The following CCDC63 variants were observed in gnomAD, a reference collection of about 807,000 sequenced individuals.
The protein encoded by CCDC63 is coiled-coil domain containing 63.
Under a neutral mutation model 63.6 loss-of-function variants are expected in CCDC63, and 54 were observed. That is an observed-to-expected ratio of 0.85 (90% CI 0.68 to 1.07). The LOEUF (loss-of-function observed/expected upper bound fraction) is 1.07. Among genes scored for constraint, CCDC63 ranks in the 50% least tolerant of loss-of-function variants. CCDC63 has a pLI of 0.00. For synonymous variants in CCDC63, 253 were observed against 266.1 expected (o/e 0.95, Z 0.48); for missense variants, 637 against 689.6 (o/e 0.92, Z 0.86).
chr12:110,884,097 C>T lies in CCDC63; in HGVS notation c.921C>T (p.His307=), dbSNP rs778259928. The change falls in exon 8 of 12, where the codon CAC becomes CAT. Residue 307 remains histidine, a synonymous_variant. Coordinates refer to ENST00000308208, the MANE Select transcript of CCDC63 (RefSeq NM_152591.3). ...GTTTTGAGAGCTATGAGGTGGCCCA[C>T]CTCCGGCTGCTGAAGCTGGCTGAGA... ...GESFESYEVA[H]LRLLKLAESG... is the part of the protein sequence containing the mutation. 9 of 1,614,018 alleles carry T rather than the reference C, an allele frequency of 5.6e-6. No homozygotes were observed. The Admixed American group carries it at 8.3e-5, about 15-fold the overall frequency.
At chr12:110,880,163 A>C in intron 6 of CCDC63, 76 bp downstream of exon 6, 1 of 1,278,488 alleles carries the variant, frequency 7.8e-7, no homozygotes, top group Non-Finnish European at 1.1e-6. Context: ...ACTCTGGGCC[A>C]CCACTGTCCC....
Position 110,853,476 on chromosome 12 carries a change from G to A in CCDC63, c.81G>A (p.Ala27=), listed in dbSNP as rs765947594. 1.1e-5 allele frequency: 18 copies of A among 1,614,038 alleles called. No individual in the cohort carries two copies. Among genetic ancestry groups the A allele is most frequent in the South Asian group, 2.2e-5 (2 of 91,084 alleles). The change falls in exon 3 of 12, where the codon GCG becomes GCA. Residue 27 remains alanine, a synonymous_variant. Transcript: ENST00000308208. ...CGGAGAAGGCCAAAGAGCAGCAGGC[G>A]GAGGCAGAGCTCCGGAAGCTAAGGC... The part of the protein sequence containing the change: ...EPSEKAKEQQ[A]EAELRKLRQQ...
intron 8 of CCDC63, among the ~76,000 whole-genome samples, chr12:110,892,671 C>A (rs1424178142): frequency 3.3e-5 from 5 of 152,134 alleles, no homozygotes; most frequent in African/African-American, 9.6e-5. Flanking sequence ...ATACAAAAAG[C>A]TGGGCTTGGT....
chr12:110,846,469 A>C (rs73421306), upstream of CCDC63, among the ~76,000 whole-genome samples: 8,990 of 152,236 alleles, frequency 0.059, 447 homozygotes, highest in African/African-American at 0.13. Flanking sequence ...TGTTCTGAAG[A>C]AAATTCTCCT....
At chr12:110,879,626 A>G (rs1022583649) in intron 5 of CCDC63, among the ~76,000 whole-genome samples, 13 of 151,694 alleles carry the variant, frequency 8.6e-5, no homozygotes, top group African/African-American at 3.1e-4. Context: ...CTTGTTCCCC[A>G]CTCCTCTGTT....
At chr12:110,887,632 A>AT (rs1422348132) in intron 8 of CCDC63, among the ~76,000 whole-genome samples, 109 of 151,952 alleles carry the variant, frequency 7.2e-4, no homozygotes, top group African/African-American at 1.7e-3. Context: ...GGTTAAAAAA[A>AT]TTTTTTTTTA....
At chr12:110,893,207 C>T in intron 9 of CCDC63, 57 bp downstream of exon 9, 1 of 1,402,436 alleles carries the variant, frequency 7.1e-7, no homozygotes, top group Non-Finnish European at 1.0e-6. Flanking sequence ...GTCTCTGTGT[C>T]TGACGGGAGC....
At chr12:110,897,594 A>G (rs2071430046) in intron 9 of CCDC63, among the ~76,000 whole-genome samples, 1 of 151,860 alleles carries the variant, frequency 6.6e-6, no homozygotes, top group South Asian at 2.1e-4. Context: ...CAAGACCCCA[A>G]CTGTGCTTTT....
chr12:110,905,916 T>A (rs5028792), intron 11 of CCDC63, among the ~76,000 whole-genome samples: 12 of 7,398 alleles, frequency 1.6e-3, no homozygotes, highest in Admixed American at 3.1e-3. Flanking sequence ...TATATTATAT[T>A]ATATATAATA....
intron 7 of CCDC63, 97 bp from the exon 8 acceptor site, chr12:110,883,933 C>A (rs1222848765): frequency 4.1e-6 from 4 of 971,172 alleles, no homozygotes; most frequent in Admixed American, 3.6e-5. Context: ...AGTCACCATG[C>A]CTGGCCACAA....
intron 9 of CCDC63, 112 bp from the exon 10 acceptor site, chr12:110,898,820 TC>T: frequency 1.6e-6 from 1 of 606,418 alleles, no homozygotes; most frequent in South Asian, 3.9e-5. Flanking sequence ...TGATCTCGTG[TC>T]CCCTCAGAGG....
chr12:110,853,148 A>G (rs2070727635), intron 2 of CCDC63, among the ~76,000 whole-genome samples, 185 bp downstream of exon 2: 1 of 152,174 alleles, frequency 6.6e-6, no homozygotes, highest in Middle Eastern at 3.2e-3. Flanking sequence ...TGGCACAGTC[A>G]GAGTTTGAAC....
At chr12:110,869,216 C>G (rs2071030647) in intron 4 of CCDC63, among the ~76,000 whole-genome samples, 1 of 152,212 alleles carries the variant, frequency 6.6e-6, no homozygotes, top group Admixed American at 6.5e-5. Context: ...AGCACTTAAG[C>G]CTTCCTCATC....
rs1566123178 is a variant in CCDC63, at chr12:110,868,735, GA to G, written c.370-5106del. Among the ~76,000 whole-genome samples the G allele has an allele frequency of 1.7e-3, 198 of 116,004 alleles. 4 individuals carry two copies. Among genetic ancestry groups the G allele is most frequent in the East Asian group, 5.8e-3 (18 of 3,080 alleles). The allele number at this position is 116,004 out of a possible 152,430, so 76.1% of individuals were successfully genotyped here. A position where few individuals can be genotyped will look rare whatever the true frequency, so the allele number is the denominator to read the frequency against. ...GGGGAGAGGGAGAGGGAGAGGGAGGGAGAGGGAGAGGGGGAGGGGAAGGGGG... is the reference window on the plus strand; with the variant it reads ...GGGGAGAGGGAGAGGGAGAGGGAGGGGAGGGAGAGGGGGAGGGGAAGGGGG... On this transcript the variant is annotated intron_variant, in intron 4 of 11. Coordinates refer to ENST00000308208, the MANE Select transcript of CCDC63 (RefSeq NM_152591.3).
At chr12:110,887,008 CT>C (rs1436940716) in intron 8 of CCDC63, among the ~76,000 whole-genome samples, 1 of 152,220 alleles carries the variant, frequency 6.6e-6, no homozygotes, top group Non-Finnish European at 1.5e-5. Context: ...CTCAGTCTCT[CT>C]ATCTGTAGAA....
intron 11 of CCDC63, among the ~76,000 whole-genome samples, chr12:110,905,978 ATATAT>A (rs1337342109): frequency 1.7e-5 from 1 of 57,956 alleles, no homozygotes; most frequent in South Asian, 4.2e-4. Context: ...TATATAAAAT[ATATAT>A]TATATTATTA....
At chr12:110,904,117 A>T (rs78900292) in intron 10 of CCDC63, among the ~76,000 whole-genome samples, 9,632 of 152,184 alleles carry the variant, frequency 0.063, 418 homozygotes, top group East Asian at 0.21. Context: ...GCACTTTAGG[A>T]GGCTGATGCG....
rs765907062 is a variant in CCDC63, at chr12:110,889,098, T to A, written c.1075-3978T>A. ...TGTTGCCCAGGCTGGTGTCAATGGT[T>A]GTGCTTTTCAAATGTAACATAGTTA... On this transcript the variant is annotated intron_variant, in intron 8 of 11. Coordinates refer to ENST00000308208, the MANE Select transcript of CCDC63 (RefSeq NM_152591.3). The surrounding 1 kb of genome is among the most constrained non-coding windows in gnomAD (Gnocchi z 4.1). Among the ~76,000 whole-genome samples, 3 of 152,104 alleles carry A rather than the reference T, an allele frequency of 2.0e-5. No homozygotes were observed. Among genetic ancestry groups the A allele is most frequent in the Non-Finnish European group, 4.4e-5 (3 of 68,016 alleles).
chr12:110,857,372 G>A (rs1436477855), intron 3 of CCDC63, among the ~76,000 whole-genome samples: 1 of 151,552 alleles, frequency 6.6e-6, no homozygotes, highest in Non-Finnish European at 1.5e-5. Flanking sequence ...TGATCCACTG[G>A]CCTCGGCCTC....
Sources: gnomAD v4.1 joint callset for allele counts (sites outside exome capture counted in the v4.1 genomes callset) on GRCh38, gnomAD v4.1.1 for gene constraint, Gnocchi (gnomAD v3.1) non-coding constraint, MANE v1.5 for transcripts, NCBI Gene and HGNC (gene_info 2026-07-23, HGNC 2026-07-21) for gene names.